DCDC2: variants seen among roughly 807,000 people sequenced by gnomAD.
DCDC2 encodes the protein doublecortin domain-containing protein 2.
DCDC2 carries 40 observed loss-of-function variants against 50.2 expected under a neutral mutation model. That is an observed-to-expected ratio of 0.80 (90% confidence interval 0.62 to 1.04). The LOEUF (loss-of-function observed/expected upper bound fraction) is 1.04, where lower values mean the gene tolerates loss of function less well. Among genes scored for constraint, DCDC2 ranks in the 50% least tolerant of loss-of-function variants. The probability of loss-of-function intolerance (pLI) is 0.00; values close to 1 mark genes in which losing one functional copy is unlikely to be tolerated. For synonymous variants in DCDC2, 234 were observed against 210.6 expected, an observed-to-expected ratio of 1.11 and a Z score of -0.96; for missense variants, 570 against 581.9, an observed-to-expected ratio of 0.98 and a Z score of 0.21.
chr6:24,241,832 T>C (rs1762568777), intron 7 of DCDC2, among the ~76,000 whole-genome samples: 1 of 152,244 alleles, frequency 6.6e-6, no homozygotes, highest in African/African-American at 2.4e-5. Flanking sequence ...TATATGAGTG[T>C]ACTTCATATT....
chr6:24,281,685 TTTTC>T (rs1371830046), intron 6 of DCDC2, among the ~76,000 whole-genome samples: 1 of 152,048 alleles, frequency 6.6e-6, no homozygotes, highest in Non-Finnish European at 1.5e-5. Flanking sequence ...AGAGGGAGCT[TTTTC>T]TTTCTGTAAG....
intron 2 of DCDC2, among the ~76,000 whole-genome samples, chr6:24,342,506 C>G (rs528466733): frequency 2.6e-5 from 4 of 152,312 alleles, no homozygotes; most frequent in Admixed American, 2.0e-4. Flanking sequence ...TGGGCTTCCA[C>G]AGGAAGGCTC....
At chr6:24,312,827 TAACA>T (rs147872559) in intron 2 of DCDC2, among the ~76,000 whole-genome samples, 1 of 152,264 alleles carries the variant, frequency 6.6e-6, no homozygotes, top group Non-Finnish European at 1.5e-5. Context: ...CAAACCAAAT[TAACA>T]AACAAACAGA....
chr6:24,359,819 A>G (rs1303975026), upstream of DCDC2, among the ~76,000 whole-genome samples: 1 of 152,150 alleles, frequency 6.6e-6, no homozygotes, highest in Non-Finnish European at 1.5e-5. Context: ...TCGCGTGTCT[A>G]GGACCCCTAA....
At chr6:24,337,005 T>A (rs192630535) in intron 2 of DCDC2, among the ~76,000 whole-genome samples, 23 of 152,310 alleles carry the variant, frequency 1.5e-4, no homozygotes, top group African/African-American at 5.3e-4. Flanking sequence ...CACCTTGAGA[T>A]CTTGGGGAGA....
intron 4 of DCDC2, among the ~76,000 whole-genome samples, chr6:24,296,180 A>T (rs1373058710): frequency 6.6e-6 from 1 of 152,194 alleles, no homozygotes; most frequent in Non-Finnish European, 1.5e-5. Context: ...CAGTACACCT[A>T]CTTCCATCTG....
intron 2 of DCDC2, among the ~76,000 whole-genome samples, chr6:24,322,862 T>G (rs1340108054): frequency 6.6e-6 from 1 of 152,222 alleles, no homozygotes; most frequent in African/African-American, 2.4e-5. Flanking sequence ...CCGACCACCT[T>G]GGGCACAAGT....
chr6:24,240,897 G>C (rs979928850), intron 7 of DCDC2, among the ~76,000 whole-genome samples: 7 of 152,242 alleles, frequency 4.6e-5, no homozygotes, highest in Admixed American at 4.6e-4. Flanking sequence ...CAAGATAATG[G>C]GCTCCTGGCT....
chr6:24,199,182 A>C (rs1761521234), intron 8 of DCDC2, among the ~76,000 whole-genome samples: 1 of 152,228 alleles, frequency 6.6e-6, no homozygotes. Context: ...TGCCTCCTGA[A>C]GTGGGTCCCT....
At chr6:24,288,253 G>T (rs534139225) in intron 6 of DCDC2, among the ~76,000 whole-genome samples, 1 of 152,206 alleles carries the variant, frequency 6.6e-6, no homozygotes, top group Non-Finnish European at 1.5e-5. Flanking sequence ...CCAAGGCAAC[G>T]CTCTGGCATG....
At chr6:24,365,492 A>G in the DCDC2 span, among the ~76,000 whole-genome samples, 1 of 152,170 alleles carries the variant, frequency 6.6e-6, no homozygotes, top group Admixed American at 6.5e-5. Flanking sequence ...GGGTTTCACC[A>G]TGTTGGCCAA....
intron 6 of DCDC2, among the ~76,000 whole-genome samples, chr6:24,287,570 A>G (rs1229193100): frequency 2.6e-5 from 4 of 152,204 alleles, no homozygotes; most frequent in African/African-American, 9.6e-5. Context: ...TACTGTAAAG[A>G]GCTTGGCATA....
intron 2 of DCDC2, among the ~76,000 whole-genome samples, chr6:24,346,904 T>G (rs1455951558): frequency 6.6e-6 from 1 of 152,146 alleles, no homozygotes; most frequent in Non-Finnish European, 1.5e-5. Flanking sequence ...CAACCAATAC[T>G]TTAGAAGCAG....
intron 8 of DCDC2, among the ~76,000 whole-genome samples, chr6:24,179,011 T>C (rs889284483): frequency 2.4e-4 from 36 of 151,912 alleles, no homozygotes; most frequent in African/African-American, 8.5e-4. Context: ...TTGGCCACTG[T>C]CTAGTGAAGC....
chr6:24,261,638 C>G (rs1763012000), intron 7 of DCDC2, among the ~76,000 whole-genome samples: 1 of 152,070 alleles, frequency 6.6e-6, no homozygotes, highest in Non-Finnish European at 1.5e-5. Context: ...ACAGGAGTAA[C>G]TTTTTCAATA....
chr6:24,252,171 T>C (rs993841197), intron 7 of DCDC2, among the ~76,000 whole-genome samples: 2 of 152,202 alleles, frequency 1.3e-5, no homozygotes, highest in South Asian at 2.1e-4. Flanking sequence ...TCAGACCAAA[T>C]ACCAAGTTCC....
intron 7 of DCDC2, among the ~76,000 whole-genome samples, chr6:24,221,838 C>T (rs536537691): frequency 1.5e-4 from 23 of 152,310 alleles, no homozygotes; most frequent in Admixed American, 4.6e-4. Context: ...CCTTTTATTA[C>T]ACCCATCGTT....
chr6:24,261,379 G>C (rs1249656360), intron 7 of DCDC2, among the ~76,000 whole-genome samples: 2 of 151,920 alleles, frequency 1.3e-5, no homozygotes, highest in Non-Finnish European at 2.9e-5. Context: ...CATATGGTTT[G>C]AGGTCTTTCT....
At chr6:24,202,250 C>T (rs1234991697) in intron 8 of DCDC2, among the ~76,000 whole-genome samples, 2 of 152,196 alleles carry the variant, frequency 1.3e-5, no homozygotes, top group East Asian at 1.9e-4. Flanking sequence ...ACTGGCAAAC[C>T]GAATCCAGAA....
Sources: allele counts gnomAD v4.1 joint callset (sites outside exome capture counted in the v4.1 genomes callset), GRCh38; gene constraint gnomAD v4.1.1; transcripts MANE v1.5; gene names NCBI Gene and HGNC (gene_info 2026-07-23, HGNC 2026-07-21).